TTN: variants seen among roughly 807,000 people sequenced by gnomAD.
TTN encodes the protein connectin.
In TTN, 1,525 loss-of-function variants were observed where a neutral mutation model predicts 3,223.0. That is an observed-to-expected ratio of 0.47 (90% confidence interval 0.45 to 0.49). The LOEUF (loss-of-function observed/expected upper bound fraction) is 0.49, where lower values mean the gene tolerates loss of function less well. TTN is among the 20% of genes least tolerant of loss of function. The pLI is 0.00. For synonymous variants in TTN, 14,094 were observed against 15,161.0 expected, an observed-to-expected ratio of 0.93 and a Z score of 5.17; for missense variants, 40,786 against 43,424.0, an observed-to-expected ratio of 0.94 and a Z score of 5.40.
chr2:178,688,448 A>G (rs960590517), intron 126 of TTN, among the ~76,000 whole-genome samples: 2 of 152,234 alleles, frequency 1.3e-5, no homozygotes, highest in Non-Finnish European at 2.9e-5. Context: ...CACTTTCAAA[A>G]TTATAACATT....
rs1468127080 is a variant in TTN at position 178,561,785 on chromosome 2, A to G, written c.84347T>C (p.Ile28116Thr). Reference protein sequence around the residue: ...SQAVARTSIKIVRLTTGSEYQ... With the variant: ...SQAVARTSIKTVRLTTGSEYQ... ...CTCACTTCCTGTTGTCAGGCGAACT[A>G]TTTTAATGGATGTTCTTGCAACTGC... Residue 28116 changes from isoleucine (I) to threonine (T), a missense_variant, in exon 326 of 363, where the codon ATA (isoleucine) becomes ACA (threonine). By Grantham distance (89) the Ile-to-Thr change is moderately conservative. Coordinates refer to ENST00000589042, the MANE Select transcript of TTN (RefSeq NM_001267550.2). 9 of 1,613,532 alleles carry G rather than the reference A, an allele frequency of 5.6e-6. No homozygotes were observed. Among genetic ancestry groups the G allele is most frequent in the African/African-American group, 1.3e-5 (1 of 74,926 alleles).
At position 178,611,256 on chromosome 2, in the gene TTN, T is replaced by A; in HGVS notation, c.50873A>T (p.Asp16958Val). ...AKDPDCKPTI[D>V]LETHDIIVIE... is the part of the protein sequence containing the mutation. Reference sequence around the variant, plus strand: ...AACAATAATGTCATGAGTCTCCAGGTCAATTGTTGGCTTGCCTGTAAGATA... The same window carrying A: ...AACAATAATGTCATGAGTCTCCAGGACAATTGTTGGCTTGCCTGTAAGATA... Residue 16958 changes from aspartate (D) to valine (V), a missense_variant, in exon 270 of 363, where the codon GAC becomes GTC. Physicochemically the swap from Asp to Val is radical, Grantham distance 152. Transcript: ENST00000589042. The A allele has an allele frequency of 6.2e-7, 1 of 1,612,210 alleles. No homozygotes were observed. The highest frequency in any genetic ancestry group is 8.5e-7 in the Non-Finnish European group (1 of 1,179,132).
At chr2:178,700,090 A>G (rs1356440149) in intron 111 of TTN, among the ~76,000 whole-genome samples, 1 of 152,174 alleles carries the variant, frequency 6.6e-6, no homozygotes, top group African/African-American at 2.4e-5. Flanking sequence ...TGTTGATACT[A>G]CCAGTCAAAG....
rs750981091 is a variant in TTN, at chr2:178,554,484, T to G, written c.88863A>C (p.Glu29621Asp). 31 of 1,613,490 alleles carry G rather than the reference T, an allele frequency of 1.9e-5. No homozygotes were observed. The highest frequency in any genetic ancestry group is 5.0e-5 in the Admixed American group (3 of 59,990). The change falls in exon 332 of 363, where the codon GAA becomes GAC. Residue 29621 changes from glutamate to aspartate, a missense_variant. Coordinates refer to ENST00000589042, the MANE Select transcript of TTN (RefSeq NM_001267550.2). ...CGTTCTTGGCTACAACGGAATCAGA[T>G]TCCAGTGGCTCGCCAATTCCATATT... ...VNKYGIGEPL[E>D]SDSVVAKNAF...
At chr2:178,709,053 A>C (rs2154293944) in intron 99 of TTN, among the ~76,000 whole-genome samples, 1 of 152,282 alleles carries the variant, frequency 6.6e-6, no homozygotes, top group Admixed American at 6.5e-5. Context: ...TTTTTGGGCA[A>C]ATGTTACCCT....
chr2:178,588,405 C>A, intron 304 of TTN, 133 bp downstream of exon 304: 1 of 1,241,004 alleles, frequency 8.1e-7, no homozygotes, highest in Non-Finnish European at 1.1e-6. Flanking sequence ...GGTAAAAGGT[C>A]TATTTGGAAA....
intron 217 of TTN, chr2:178,645,634 T>C (rs1026536572): frequency 8.9e-6 from 2 of 224,292 alleles, no homozygotes; most frequent in Non-Finnish European, 1.7e-5. Context: ...CAGAAAACTC[T>C]TTCTCCCCAC....
chr2:178,542,869 G>A lies in TTN; in HGVS notation c.96985C>T (p.Pro32329Ser), dbSNP rs759641873. ...GCAGGAGGTGGACGGCCAGCAATAG[G>A]TATCACCAGCTCTACTGGTCTGCCA... ...PAGRPVELVIPIAGRPPPAAS... is the reference protein window; with the variant it reads ...PAGRPVELVISIAGRPPPAAS... Residue 32329 changes from proline (P) to serine (S), a missense_variant, in exon 348 of 363, where the codon CCT (proline) becomes TCT (serine). Physicochemically the swap from Pro to Ser is moderately conservative, Grantham distance 74 (BLOSUM62 -1). Coordinates refer to ENST00000589042, the MANE Select transcript of TTN (RefSeq NM_001267550.2). The A allele has an allele frequency of 1.2e-6, 2 of 1,613,744 alleles. No individual in the cohort carries two copies. Among genetic ancestry groups the A allele is most frequent in the African/African-American group, 1.3e-5 (1 of 75,006 alleles).
Position 178,713,379 on chromosome 2 carries a change from G to A in TTN, c.26762-7C>T. 1.5e-6 allele frequency: 2 copies of A among 1,377,066 alleles called. No homozygotes were observed. The highest frequency in any genetic ancestry group is 1.9e-6 in the Non-Finnish European group (2 of 1,064,300). The allele number at this position is 1,377,066 out of a possible 1,614,324, so 85.3% of individuals were successfully genotyped here. On this transcript the variant is annotated splice_polypyrimidine_tract_variant and splice_region_variant and intron_variant, in intron 92 of 362. Coordinates refer to ENST00000589042, the MANE Select transcript of TTN (RefSeq NM_001267550.2). ...GAAGGAGGAACGGTTCGGTCTGAAT[G>A]ATACAAAACAAAACAAAACAAAACA...
Position 178,723,582 on chromosome 2 carries a change from C to T in TTN, c.21518G>A (p.Gly7173Asp), listed in dbSNP as rs1479016308. ...GTCTCCTTTCACTAGTTCTCTGGCA[C>T]CTCTGAACCAGTTGACTTTGAATGG... is the stretch of plus-strand genomic sequence containing the variant. ...TPPFKVNWFR[G>D]ARELVKGDRC... The change falls in exon 74 of 363, where the codon GGT becomes GAT. Residue 7173 changes from glycine (G) to aspartate (D), a missense_variant. By Grantham distance (94) the Gly-to-Asp change is moderately conservative. Transcript: ENST00000589042. 1.9e-6 allele frequency: 3 copies of T among 1,613,232 alleles called. No homozygotes were observed. Among genetic ancestry groups the T allele is most frequent in the East Asian group, 2.2e-5 (1 of 44,836 alleles).
chr2:178,649,194 T>C (rs2062510706), intron 213 of TTN, 54 bp downstream of exon 213: 12 of 1,300,742 alleles, frequency 9.2e-6, no homozygotes, highest in Non-Finnish European at 1.0e-5. Context: ...AGACCTATTA[T>C]TAACATGCTT....
chr2:178,550,856 G>A (rs1699157496), intron 336 of TTN, 111 bp downstream of exon 336: 1 of 958,548 alleles, frequency 1.0e-6, no homozygotes, highest in African/African-American at 1.7e-5. Flanking sequence ...CATCCACTTA[G>A]CAACCTTGGG....
In TTN at chr2:178,679,394, T is replaced by C. The variant is rs2068811951; in HGVS notation, c.33687A>G (p.Pro11229=). Residue 11229 remains proline (P), a synonymous_variant, in exon 142 of 363, where the codon CCA becomes CCG. Coordinates refer to ENST00000589042, the MANE Select transcript of TTN (RefSeq NM_001267550.2). The part of the protein sequence containing the change: ...PAKVPEVPKK[P]EEKVPVLIPK... The stretch of plus-strand genomic sequence containing the variant: ...GAATAAGCACAGGAACTTTCTCCTC[T>C]GGCTTCTTAGGAACCTCAGGCACTT... 3 of 1,612,782 alleles carry C rather than the reference T, an allele frequency of 1.9e-6. No homozygotes were observed. The highest frequency in any genetic ancestry group is 2.5e-6 in the Non-Finnish European group (3 of 1,179,126).
rs1419666616 is a variant in TTN, at chr2:178,714,076, G to C, written c.26582C>G (p.Thr8861Ser). ...CTCTTTTCCATCCTTAAACCACTTAGTACTGAGTTCAGGGGTGCCAGCTAC... is the reference window on the plus strand; with the variant it reads ...CTCTTTTCCATCCTTAAACCACTTACTACTGAGTTCAGGGGTGCCAGCTAC... ...CTVAGTPELS[T>S]KWFKDGKELT... Residue 8861 changes from threonine to serine, a missense_variant, in exon 92 of 363, where the codon ACT becomes AGT. Coordinates refer to ENST00000589042, the MANE Select transcript of TTN (RefSeq NM_001267550.2). The C allele has an allele frequency of 1.2e-6, 2 of 1,613,482 alleles. No individual in the cohort carries two copies. The highest frequency in any genetic ancestry group is 2.7e-5 in the African/African-American group (2 of 74,876).
At chr2:178,806,101 T>G (rs76900563) in intron 1 of TTN, among the ~76,000 whole-genome samples, 2,067 of 152,340 alleles carry the variant, frequency 0.014, 45 homozygotes, top group African/African-American at 0.047. Flanking sequence ...TGTTCCTTAC[T>G]GTAACCTTCT....
chr2:178,715,807 G>A, intron 88 of TTN, 33 bp from the exon 89 acceptor site: 11 of 1,544,042 alleles, frequency 7.1e-6, no homozygotes, highest in Non-Finnish European at 7.0e-6. Flanking sequence ...ACAGGGTAAG[G>A]GATGGAACAG....
Position 178,718,794 on chromosome 2 carries a change from C to G in TTN, c.24406G>C (p.Glu8136Gln). 1.9e-6 allele frequency: 3 copies of G among 1,613,764 alleles called. No individual in the cohort carries two copies. The highest frequency in any genetic ancestry group is 2.5e-6 in the Non-Finnish European group (3 of 1,179,762). The change falls in exon 84 of 363, where the codon GAG becomes CAG. Residue 8136 changes from glutamate (E) to glutamine (Q), a missense_variant. By Grantham distance (29) the Glu-to-Gln change is conservative (BLOSUM62 2). Coordinates refer to ENST00000589042, the MANE Select transcript of TTN (RefSeq NM_001267550.2). The part of the protein sequence containing the change: ...ISLEDFVTEL[E>Q]LFEVQPLESG... ...TCTAATGGCTGCACCTCAAACAACTCCAGTTCTGTGACAAAATCTTCCAGA... is the reference window on the plus strand; with the variant it reads ...TCTAATGGCTGCACCTCAAACAACTGCAGTTCTGTGACAAAATCTTCCAGA...
In TTN at chr2:178,568,091, G is replaced by T. The variant is rs766846103; in HGVS notation, c.78041C>A (p.Pro26014Gln). The change falls in exon 326 of 363, where the codon CCA becomes CAA. Residue 26014 changes from proline to glutamine, a missense_variant. Pro to Gln is a moderately conservative substitution (Grantham distance 76). Coordinates refer to ENST00000589042, the MANE Select transcript of TTN (RefSeq NM_001267550.2). The stretch of plus-strand genomic sequence containing the variant: ...GACGGGGCTTCCACCATTGTTGACT[G>T]GTTCATGCCACTGTATGACCATGGA... Reference protein sequence around the residue: ...KDSMVIQWHEPVNNGGSPVIG... With the variant: ...KDSMVIQWHEQVNNGGSPVIG... The T allele has an allele frequency of 6.2e-7, 1 of 1,613,246 alleles. No individual in the cohort carries two copies. Among genetic ancestry groups the T allele is most frequent in the Non-Finnish European group, 8.5e-7 (1 of 1,179,586 alleles).
In TTN at chr2:178,739,989, A is replaced by G. The variant is rs1345215299; in HGVS notation, c.13244T>C (p.Phe4415Ser). ...TTCAATATTTCTTAGCCACTCAGAG[A>G]AAAGACCTGGCTGCTCGCTGGCCAC... ...AAVASEQPGL[F>S]SEWLRNIEKV... The change falls in exon 48 of 363, where the codon TTC becomes TCC. Residue 4415 changes from phenylalanine (F) to serine (S), a missense_variant. Coordinates refer to ENST00000589042, the MANE Select transcript of TTN (RefSeq NM_001267550.2). 12 of 1,613,904 alleles carry G rather than the reference A, an allele frequency of 7.4e-6. No individual in the cohort carries two copies. The highest frequency in any genetic ancestry group is 9.3e-6 in the Non-Finnish European group (11 of 1,179,838).
Sources: gnomAD v4.1 joint callset for allele counts (sites outside exome capture counted in the v4.1 genomes callset) on GRCh38, gnomAD v4.1.1 for gene constraint, MANE v1.5 for transcripts, NCBI Gene and HGNC (gene_info 2026-07-23, HGNC 2026-07-21) for gene names.